AP4B1: variants seen among roughly 807,000 people sequenced by gnomAD.
AP4B1 encodes the protein AP-4 complex subunit beta-1.
Under a neutral mutation model 76.5 loss-of-function variants are expected in AP4B1, and 49 were observed. The ratio of observed to expected loss-of-function variants is 0.64; its 90% CI spans 0.51 to 0.81. The LOEUF (loss-of-function observed/expected upper bound fraction) is 0.81. AP4B1 is among the 40% of genes least tolerant of loss of function. The pLI is 0.00. For synonymous variants in AP4B1, 330 were observed against 333.3 expected (o/e 0.99, Z 0.11); for missense variants, 911 against 904.9 (o/e 1.01, Z -0.09).
chr1:113,899,801 T>C (rs751136281), intron 5 of AP4B1, 103 bp downstream of exon 5: 6 of 1,588,842 alleles, frequency 3.8e-6, no homozygotes, highest in Non-Finnish European at 5.2e-6. Context: ...GTACTTTGCT[T>C]CTGAAGCAAG....
chr1:113,899,064 A>C (rs1019570070), intron 5 of AP4B1: 1 of 1,267,124 alleles, frequency 7.9e-7, no homozygotes, highest in Non-Finnish European at 1.0e-6. Flanking sequence ...TTGAAAACTT[A>C]TAGTAACAAA....
chr1:113,899,248 T>A, intron 5 of AP4B1: 1 of 1,018,932 alleles, frequency 9.8e-7, no homozygotes. Flanking sequence ...TGAGGGTTGC[T>A]CCTCCTCCTG....
intron 9 of AP4B1, 87 bp from the exon 10 acceptor site, chr1:113,895,579 T>C (rs1391353486): frequency 1.3e-6 from 2 of 1,568,060 alleles, no homozygotes; most frequent in Non-Finnish European, 1.7e-6. Flanking sequence ...GTACACAATG[T>C]GACTTTTATT....
chr1:113,899,218 A>G (rs773379315), intron 5 of AP4B1: 343 of 1,025,256 alleles, frequency 3.3e-4, no homozygotes, highest in Non-Finnish European at 3.9e-4. Context: ...CCCTAAAATA[A>G]CCATGCTTTA....
At position 113,902,794 on chromosome 1, in the gene AP4B1, T is replaced by A; in HGVS notation, c.182A>T (p.Asp61Val). 2.5e-6 allele frequency: 4 copies of A among 1,614,204 alleles called. No individual in the cohort carries two copies. The highest frequency in any genetic ancestry group is 3.4e-6 in the Non-Finnish European group (4 of 1,180,034). Reference protein sequence around the residue: ...MEMVKASATVDIVQKKLVYLY... With the variant: ...MEMVKASATVVIVQKKLVYLY... Reference sequence around the variant, plus strand: ...ATAAACCAACTTCTTCTGGACAATATCTACAGTGGCACTGGCCTTCACCAT... The same window carrying A: ...ATAAACCAACTTCTTCTGGACAATAACTACAGTGGCACTGGCCTTCACCAT... Residue 61 changes from aspartate to valine, a missense_variant, in exon 2 of 10, where the codon GAT becomes GTT. Physicochemically the swap from Asp to Val is radical, Grantham distance 152. Coordinates refer to ENST00000369569, the MANE Select transcript of AP4B1 (RefSeq NM_001253852.3).
intron 1 of AP4B1, among the ~76,000 whole-genome samples, chr1:113,903,593 AG>A (rs1287397348): frequency 3.9e-5 from 6 of 152,260 alleles, no homozygotes; most frequent in Admixed American, 3.9e-4. Context: ...TGACACTGGC[AG>A]GAAGTCAGAA....
In AP4B1 at chr1:113,896,474, TA is replaced by T; in HGVS notation, c.1303-10del. The T allele has an allele frequency of 1.2e-6, 2 of 1,613,666 alleles. No homozygotes were observed. Among genetic ancestry groups the T allele is most frequent in the Non-Finnish European group, 1.7e-6 (2 of 1,179,556 alleles). On this transcript the variant is annotated splice_polypyrimidine_tract_variant and intron_variant, in intron 7 of 9. Coordinates refer to ENST00000369569, the MANE Select transcript of AP4B1 (RefSeq NM_001253852.3). The stretch of plus-strand genomic sequence containing the variant: ...ATAAGTGCTTGCTTCCCCTAGAGAA[TA>T]AAGGAATAAGAGCAAGTGCTCAACA...
chr1:113,902,027 A>G (rs943770436), intron 2 of AP4B1, 142 bp from the exon 3 acceptor site: 1 of 1,126,622 alleles, frequency 8.9e-7, no homozygotes, highest in Non-Finnish European at 1.3e-6. Context: ...ATCAAGCTTA[A>G]AAAGCCATAA....
Position 113,895,020 on chromosome 1 carries a change from G to A in AP4B1, c.*45C>T, listed in dbSNP as rs773137329. On this transcript the variant is annotated 3_prime_UTR_variant, in exon 10 of 10. Coordinates refer to ENST00000369569, the MANE Select transcript of AP4B1 (RefSeq NM_001253852.3). Reference sequence around the variant, plus strand: ...AGCTCTAATAGGAAAGACTAAGAAAGTGTAATAGTTATTCATCTTACTCTA... The same window carrying A: ...AGCTCTAATAGGAAAGACTAAGAAAATGTAATAGTTATTCATCTTACTCTA... The A allele has an allele frequency of 6.3e-7, 1 of 1,575,056 alleles. No homozygotes were observed. The highest frequency in any genetic ancestry group is 1.1e-5 in the South Asian group (1 of 87,988).
At position 113,894,251 on chromosome 1, in the gene AP4B1, C is replaced by A. The variant is rs1043325794; in HGVS notation, c.*814G>T. Among the ~76,000 whole-genome samples, 3 of 152,076 alleles carry A rather than the reference C, an allele frequency of 2.0e-5. No individual in the cohort carries two copies. Among genetic ancestry groups the A allele is most frequent in the African/African-American group, 7.2e-5 (3 of 41,396 alleles). On this transcript the variant is annotated 3_prime_UTR_variant, in exon 10 of 10. Transcript: ENST00000369569. ...TCTTGCCATAAGTTGCTTCAATGTA[C>A]AAAATGTGGTCAGATAAGAACAGAA...
chr1:113,899,365 G>C (rs774617959), intron 5 of AP4B1: 62 of 1,009,444 alleles, frequency 6.1e-5, no homozygotes, highest in Admixed American at 1.1e-4. Context: ...GTAAGATTTA[G>C]GAATTATTCT....
rs775131423 is a variant in AP4B1 at position 113,897,815 on chromosome 1, G to A, written c.1302+25C>T. ...GTTTCAAGCATTCTCCCCCTACCTA[G>A]AAGTAAAGGAGAATTACAGTCTACC... On this transcript the variant is annotated intron_variant, in intron 7 of 9. Coordinates refer to ENST00000369569, the MANE Select transcript of AP4B1 (RefSeq NM_001253852.3). The A allele has an allele frequency of 9.3e-6, 15 of 1,607,968 alleles. No homozygotes were observed. The Admixed American group carries it at 1.0e-4, about 11-fold the overall frequency.
At chr1:113,904,447 G>A (rs1310003339) in intron 1 of AP4B1, among the ~76,000 whole-genome samples, 158 bp downstream of exon 1, 3 of 152,210 alleles carry the variant, frequency 2.0e-5, no homozygotes, top group Non-Finnish European at 4.4e-5. Flanking sequence ...GCTGCAGAGG[G>A]GAGACTGACA....
rs544923173 is a variant in AP4B1, at chr1:113,898,734, T to C, written c.1182A>G (p.Gln394=). The C allele has an allele frequency of 1.2e-6, 2 of 1,609,654 alleles. No homozygotes were observed. The highest frequency in any genetic ancestry group is 2.2e-5 in the East Asian group (1 of 44,878). ...QILTELLGLR[Q]EHITTVVVQT... is the part of the protein sequence containing the mutation. ...AGGCATTACCTGTGGTAATGTGCTC[T>C]TGTCGAAGACCCAGCAACTCTGTTA... The change falls in exon 6 of 10, where the codon CAA becomes CAG. Residue 394 remains glutamine, a synonymous_variant. Transcript: ENST00000369569.
intron 3 of AP4B1, 117 bp downstream of exon 3, chr1:113,901,638 A>C (rs1668278872): frequency 6.8e-7 from 1 of 1,466,528 alleles, no homozygotes; most frequent in Non-Finnish European, 9.5e-7. Context: ...CATCCTACTT[A>C]AAGAGATATG....
chr1:113,895,217 C>G lies in AP4B1; in HGVS notation c.2068G>C (p.Gly690Arg). Residue 690 changes from glycine (G) to arginine (R), a missense_variant, in exon 10 of 10, where the codon GGC (glycine) becomes CGC (arginine). By Grantham distance (125) the Gly-to-Arg change is moderately radical (BLOSUM62 -2). Transcript: ENST00000369569. ...KAYLSAQDDT[G>R]CLFLTELLLE... The stretch of plus-strand genomic sequence containing the variant: ...AGCAGTTCTGTTAAGAACAGACAGC[C>G]AGTATCATCCTGAGCACTGAGGTAT... 1 of 1,614,184 alleles carries G rather than the reference C, an allele frequency of 6.2e-7. No homozygotes were observed. The highest frequency in any genetic ancestry group is 2.2e-5 in the East Asian group (1 of 44,890).
Position 113,902,870 on chromosome 1 carries a change from A to G in AP4B1, c.114-8T>C, listed in dbSNP as rs369604187. ...AAGCCTTGAGTCATGTACCTGAACA[A>G]CGCACATGACAGAAGGAAGTAAAAT... On this transcript the variant is annotated splice_region_variant and splice_polypyrimidine_tract_variant and intron_variant, in intron 1 of 9. Transcript: ENST00000369569. 9.3e-6 allele frequency: 15 copies of G among 1,613,496 alleles called. No homozygotes were observed. The highest frequency in any genetic ancestry group is 1.3e-5 in the Non-Finnish European group (15 of 1,179,652).
At chr1:113,899,273 C>A in intron 5 of AP4B1, 2 of 1,017,882 alleles carry the variant, frequency 2.0e-6, no homozygotes, top group Non-Finnish European at 1.2e-6. Flanking sequence ...TGAAATCCTT[C>A]AAAACTTGGC....
At chr1:113,900,526 C>T (rs1668105384) in intron 4 of AP4B1, 126 bp from the exon 5 acceptor site, 2 of 1,153,930 alleles carry the variant, frequency 1.7e-6, no homozygotes, top group African/African-American at 1.6e-5. Flanking sequence ...TAGGCTGTGC[C>T]ATAATTAAGT....
Sources: gnomAD v4.1 joint callset for allele counts (sites outside exome capture counted in the v4.1 genomes callset) on GRCh38, gnomAD v4.1.1 for gene constraint, MANE v1.5 for transcripts, NCBI Gene and HGNC (gene_info 2026-07-23, HGNC 2026-07-21) for gene names.